The following C12orf50 variants were observed in gnomAD, a reference collection of about 807,000 sequenced individuals.
C12orf50 encodes the protein zinc finger CCCH-type containing 11D.
In C12orf50, 35 loss-of-function variants were observed where a neutral mutation model predicts 61.6. The observed-to-expected ratio is 0.57, with a 90% CI of 0.43 to 0.75. C12orf50 has a LOEUF of 0.75. Ranked by LOEUF, C12orf50 falls within the 30% of genes least tolerant of loss-of-function variation. C12orf50 has a pLI of 0.00. For synonymous variants in C12orf50, 178 were observed against 161.5 expected (o/e 1.10, Z -0.77); for missense variants, 475 against 488.5 (o/e 0.97, Z 0.26).
intron 3 of C12orf50, among the ~76,000 whole-genome samples, chr12:87,998,654 T>C (rs2031525957): frequency 6.6e-6 from 1 of 152,078 alleles, no homozygotes; most frequent in Non-Finnish European, 1.5e-5. Flanking sequence ...AATGGACTTA[T>C]TTGCAAAAAT....
chr12:88,007,708 C>CT (rs969163059), intron 3 of C12orf50, among the ~76,000 whole-genome samples: 1 of 152,100 alleles, frequency 6.6e-6, no homozygotes, highest in Non-Finnish European at 1.5e-5. Context: ...CAATATATAC[C>CT]TTTTTTTGTT....
In C12orf50 at chr12:88,007,319, T is replaced by C. The variant is rs539218831; in HGVS notation, c.134-9129A>G. ...TATAAAATGTTTACTATATTGTAAC[T>C]GACTTAGCAAATATTAGAACAACCT... On this transcript the variant is annotated intron_variant, in intron 3 of 12. Coordinates refer to ENST00000298699, the MANE Select transcript of C12orf50 (RefSeq NM_152589.3). Among the ~76,000 whole-genome samples the C allele has an allele frequency of 1.3e-4, 20 of 152,262 alleles. No individual in the cohort carries two copies. In the South Asian group the frequency reaches 3.1e-3, roughly 24 times the overall value.
chr12:88,008,841 C>T (rs1395844698), intron 3 of C12orf50, among the ~76,000 whole-genome samples: 1 of 152,158 alleles, frequency 6.6e-6, no homozygotes, highest in Non-Finnish European at 1.5e-5. Context: ...TATGATCTCA[C>T]TACCAAGTAT....
intron 9 of C12orf50, among the ~76,000 whole-genome samples, chr12:87,987,599 A>T (rs913876587): frequency 6.6e-6 from 1 of 152,194 alleles, no homozygotes; most frequent in Non-Finnish European, 1.5e-5. Flanking sequence ...TGAATCTTCC[A>T]AAAAGGTAGT....
intron 2 of C12orf50, 142 bp from the exon 3 acceptor site, chr12:88,026,750 G>A (rs1428194880): frequency 7.5e-7 from 1 of 1,327,956 alleles, no homozygotes; most frequent in African/African-American, 1.5e-5. Flanking sequence ...AGCTTTCAGT[G>A]TTTCTAAGCC....
intron 3 of C12orf50, among the ~76,000 whole-genome samples, 155 bp from the exon 4 acceptor site, chr12:87,998,345 T>G (rs1276872149): frequency 6.6e-6 from 1 of 152,140 alleles, no homozygotes; most frequent in African/African-American, 2.4e-5. Context: ...ACACTAGCAA[T>G]GATTAAACTG....
At chr12:88,021,863 C>CA (rs200459475) in intron 3 of C12orf50, among the ~76,000 whole-genome samples, 2 of 151,158 alleles carry the variant, frequency 1.3e-5, no homozygotes, top group Non-Finnish European at 3.0e-5. Flanking sequence ...GCCTACCAAC[C>CA]AAAAAAAACC....
chr12:87,987,858 G>A lies in C12orf50; in HGVS notation c.809C>T (p.Pro270Leu). The change falls in exon 9 of 13, where the codon CCC becomes CTC. Residue 270 changes from proline to leucine, a missense_variant. Physicochemically the swap from Pro to Leu is moderately conservative, Grantham distance 98. Coordinates refer to ENST00000298699, the MANE Select transcript of C12orf50 (RefSeq NM_152589.3). ...TAGAGCTAATGTCTCACTTGAAGAG[G>A]GGTCCTCTCTGCACTTCATACTGAT... ...ENISMKCREDPSSMNDVQPVK... is the reference protein window; with the variant it reads ...ENISMKCREDLSSMNDVQPVK... 6.3e-7 allele frequency: 1 copy of A among 1,589,462 alleles called. No individual in the cohort carries two copies. The highest frequency in any genetic ancestry group is 8.6e-7 in the Non-Finnish European group (1 of 1,160,064).
At chr12:87,980,619 C>T (rs1042462761) in intron 12 of C12orf50, among the ~76,000 whole-genome samples, 2 of 152,060 alleles carry the variant, frequency 1.3e-5, no homozygotes, top group Non-Finnish European at 2.9e-5. Context: ...GCAGAATGAA[C>T]AGAACGAAGG....
chr12:88,005,769 C>T (rs988856271), intron 3 of C12orf50, among the ~76,000 whole-genome samples: 6 of 150,930 alleles, frequency 4.0e-5, no homozygotes, highest in East Asian at 4.0e-4. Flanking sequence ...AAACACCAGG[C>T]GAAATTGCCT....
At chr12:88,029,151 T>G (rs1292450199) in intron 1 of C12orf50, 189 bp downstream of exon 1, 2 of 1,232,398 alleles carry the variant, frequency 1.6e-6, no homozygotes, top group East Asian at 5.7e-5. Context: ...ATCCAATGGT[T>G]TTTTTTTTTT....
At chr12:87,987,517 AT>A (rs2030886066) in intron 9 of C12orf50, among the ~76,000 whole-genome samples, 4 of 152,316 alleles carry the variant, frequency 2.6e-5, no homozygotes, top group African/African-American at 4.8e-5. Flanking sequence ...CTAATAAAAA[AT>A]AATCCAAAAC....
intron 8 of C12orf50, among the ~76,000 whole-genome samples, 164 bp downstream of exon 8, chr12:87,989,100 C>T (rs1039204533): frequency 1.3e-5 from 2 of 151,966 alleles, no homozygotes; most frequent in South Asian, 4.1e-4. Flanking sequence ...AATGGTCATA[C>T]AGTTAGGGGC....
chr12:87,989,699 T>A (rs972557090), intron 7 of C12orf50, among the ~76,000 whole-genome samples: 1 of 152,082 alleles, frequency 6.6e-6, no homozygotes. Context: ...CCATATAACA[T>A]CTTCAGATAT....
intron 3 of C12orf50, among the ~76,000 whole-genome samples, chr12:88,005,983 C>T (rs2031859788): frequency 7.4e-6 from 1 of 135,070 alleles, no homozygotes; most frequent in Non-Finnish European, 1.5e-5. Flanking sequence ...GTGGCGCAAT[C>T]TCGGCTCACT....
chr12:88,001,604 T>C (rs1310339046), intron 3 of C12orf50, among the ~76,000 whole-genome samples: 1 of 151,446 alleles, frequency 6.6e-6, no homozygotes, highest in Admixed American at 6.6e-5. Context: ...CAATTCAGTA[T>C]TGGAGCCATC....
chr12:87,982,961 T>C lies in C12orf50; in HGVS notation c.1219+142A>G, dbSNP rs61550246. The C allele has an allele frequency of 8.4e-4, 370 of 440,030 alleles. 2 individuals carry two copies. Among genetic ancestry groups the C allele is most frequent in the African/African-American group, 7.0e-3 (345 of 49,170 alleles). 27.3% of individuals were successfully genotyped at this position (440,030 alleles called of 1,614,324 possible). On this transcript the variant is annotated intron_variant, in intron 12 of 12. Transcript: ENST00000298699. ...TTACATTACTAGTAGACAAGATATCTACTAAACTCCAAGTAATTAAGTGTG... is the reference window on the plus strand; with the variant it reads ...TTACATTACTAGTAGACAAGATATCCACTAAACTCCAAGTAATTAAGTGTG...
intron 8 of C12orf50, among the ~76,000 whole-genome samples, chr12:87,988,252 G>T (rs906969248): frequency 7.9e-5 from 12 of 151,998 alleles, no homozygotes; most frequent in African/African-American, 2.9e-4. Flanking sequence ...AGATTTAAAA[G>T]GTTTTACATT....
chr12:87,993,083 T>C (rs2031198589), intron 7 of C12orf50, among the ~76,000 whole-genome samples: 1 of 152,142 alleles, frequency 6.6e-6, no homozygotes, highest in Non-Finnish European at 1.5e-5. Context: ...TACCAGATAA[T>C]GGAATTTTTT....
Sources: gnomAD v4.1 joint callset for allele counts (sites outside exome capture counted in the v4.1 genomes callset) on GRCh38, gnomAD v4.1.1 for gene constraint, MANE v1.5 for transcripts, NCBI Gene and HGNC (gene_info 2026-07-23, HGNC 2026-07-21) for gene names.